MXI1: variants seen among roughly 807,000 people sequenced by gnomAD.
The protein encoded by MXI1 is MAX interactor 1, dimerization protein.
In MXI1, 18 loss-of-function variants were observed where a neutral mutation model predicts 36.9. That is an observed-to-expected ratio of 0.49 (90% CI 0.34 to 0.72). MXI1 has a LOEUF of 0.72. Among genes scored for constraint, MXI1 ranks in the 30% least tolerant of loss-of-function variants. The pLI, the probability that MXI1 is intolerant of heterozygous loss-of-function variation, is 0.01. For synonymous variants in MXI1, 160 were observed against 146.7 expected, an observed-to-expected ratio of 1.09 and a Z score of -0.65; for missense variants, 304 against 379.1, an observed-to-expected ratio of 0.80 and a Z score of 1.64.
chr10:110,212,618 G>A (rs981434581), intron 1 of MXI1, among the ~76,000 whole-genome samples: 4 of 152,142 alleles, frequency 2.6e-5, no homozygotes, highest in African/African-American at 9.7e-5. Context: ...ATGGAGCAGG[G>A]CCCAGCTTGC....
At chr10:110,231,935 C>T (rs576282218) in intron 2 of MXI1, among the ~76,000 whole-genome samples, 4 of 151,912 alleles carry the variant, frequency 2.6e-5, no homozygotes, top group South Asian at 4.2e-4. Flanking sequence ...CTTACTTGGA[C>T]GACTGCAGTA....
intron 1 of MXI1, among the ~76,000 whole-genome samples, chr10:110,221,779 G>C (rs181258971): frequency 6.6e-6 from 1 of 152,170 alleles, no homozygotes; most frequent in Admixed American, 6.5e-5. Context: ...AGATTCAGCC[G>C]TCTCAGATAA....
chr10:110,276,797 G>GA (rs1857048188), intron 3 of MXI1, among the ~76,000 whole-genome samples: 1 of 150,896 alleles, frequency 6.6e-6, no homozygotes, highest in Non-Finnish European at 1.5e-5. Flanking sequence ...TCCTTGATGT[G>GA]AAAGTTTATG....
chr10:110,245,980 G>T (rs1183123806), intron 3 of MXI1, among the ~76,000 whole-genome samples: 2 of 152,110 alleles, frequency 1.3e-5, no homozygotes, highest in Admixed American at 6.6e-5. Context: ...ATTTGGAAGA[G>T]AACATAAGAA....
chr10:110,213,038 G>A (rs569925405), intron 1 of MXI1, among the ~76,000 whole-genome samples: 16 of 152,292 alleles, frequency 1.1e-4, no homozygotes, highest in Non-Finnish European at 1.8e-4. Context: ...GCTATGGCAC[G>A]AGGATCAGGT....
chr10:110,234,902 A>G (rs530504908), intron 2 of MXI1, among the ~76,000 whole-genome samples: 1 of 152,318 alleles, frequency 6.6e-6, no homozygotes, highest in African/African-American at 2.4e-5. Context: ...AATGTATAAG[A>G]TGCTTCTTAA....
chr10:110,268,372 C>G (rs1256062610), intron 3 of MXI1, among the ~76,000 whole-genome samples: 1 of 152,054 alleles, frequency 6.6e-6, no homozygotes, highest in Non-Finnish European at 1.5e-5. Context: ...TTAATCTTTT[C>G]CTGGGCTTTT....
At chr10:110,236,476 G>A (rs1207472438) in intron 2 of MXI1, among the ~76,000 whole-genome samples, 1 of 151,646 alleles carries the variant, frequency 6.6e-6, no homozygotes, top group East Asian at 1.9e-4. Flanking sequence ...ATTTTTTTGA[G>A]ACAGGGTTTC....
At chr10:110,242,308 T>C (rs1855696991) in intron 2 of MXI1, among the ~76,000 whole-genome samples, 1 of 152,020 alleles carries the variant, frequency 6.6e-6, no homozygotes, top group Non-Finnish European at 1.5e-5. Context: ...TAAACATATC[T>C]TAATTTACCC....
intron 1 of MXI1, among the ~76,000 whole-genome samples, chr10:110,213,141 C>A (rs1854549691): frequency 6.6e-6 from 1 of 152,244 alleles, no homozygotes; most frequent in East Asian, 1.9e-4. Context: ...TGAGACCAAT[C>A]CCTGCAAGAA....
chr10:110,235,781 C>A (rs1855443580), intron 2 of MXI1, among the ~76,000 whole-genome samples: 1 of 152,006 alleles, frequency 6.6e-6, no homozygotes, highest in South Asian at 2.1e-4. Flanking sequence ...GAGGCCGAGG[C>A]AGGCGGATCA....
At chr10:110,245,204 G>A (rs539324759) in intron 3 of MXI1, among the ~76,000 whole-genome samples, 1 of 152,176 alleles carries the variant, frequency 6.6e-6, no homozygotes, top group African/African-American at 2.4e-5. Flanking sequence ...ATTACAAATT[G>A]GAGGGCATTG....
chr10:110,221,884 G>T (rs1854818491), intron 1 of MXI1, among the ~76,000 whole-genome samples: 1 of 152,152 alleles, frequency 6.6e-6, no homozygotes, highest in Non-Finnish European at 1.5e-5. Context: ...TTTCCGTGTG[G>T]TTGGGATGTC....
intron 3 of MXI1, among the ~76,000 whole-genome samples, chr10:110,276,316 CATTT>C (rs1283946350): frequency 6.6e-6 from 1 of 152,060 alleles, no homozygotes; most frequent in African/African-American, 2.4e-5. Flanking sequence ...ACAATCTCTC[CATTT>C]ATTCAGATTT....
intron 1 of MXI1, chr10:110,226,105 C>G (rs1043601127): frequency 1.3e-5 from 15 of 1,175,522 alleles, no homozygotes; most frequent in Admixed American, 4.7e-5. Context: ...GCCCGCCCGC[C>G]CGTCGCACAT....
chr10:110,264,036 G>C (rs1856604666), intron 3 of MXI1, among the ~76,000 whole-genome samples: 2 of 152,160 alleles, frequency 1.3e-5, no homozygotes, highest in Admixed American at 1.3e-4. Context: ...AGTGGCCAAT[G>C]GGTTCATCTG....
intron 2 of MXI1, among the ~76,000 whole-genome samples, chr10:110,241,899 G>A (rs950715399): frequency 1.4e-4 from 21 of 151,968 alleles, no homozygotes; most frequent in African/African-American, 5.1e-4. Context: ...TAATACTCCA[G>A]TTTTACAGAT....
chr10:110,211,444 G>A (rs1854513683), intron 1 of MXI1, among the ~76,000 whole-genome samples: 1 of 152,248 alleles, frequency 6.6e-6, no homozygotes, highest in South Asian at 2.1e-4. Context: ...CTTCTGTCCG[G>A]AGATGAGTGT....
rs74735538 is a variant in MXI1, at chr10:110,227,550, G to A, written c.275-639G>A. On this transcript the variant is annotated intron_variant, in intron 1 of 5. Coordinates refer to ENST00000332674, the MANE Select transcript of MXI1 (RefSeq NM_130439.3). ...GCCCCGGAGCGGGAGAGGGTGCTGG[G>A]AGATAAGAGGAAGGAGGAACACGGA... 9.2e-6 allele frequency: 9 copies of A among 981,442 alleles called. No individual in the cohort carries two copies. The African/African-American group carries it at 1.6e-4, about 17-fold the overall frequency. 60.8% of individuals were successfully genotyped at this position (981,442 alleles called of 1,614,324 possible). A position where few individuals can be genotyped will look rare whatever the true frequency, so the allele number is the denominator to read the frequency against.
Sources: gnomAD v4.1 joint callset for allele counts (sites outside exome capture counted in the v4.1 genomes callset) on GRCh38, gnomAD v4.1.1 for gene constraint, MANE v1.5 for transcripts, NCBI Gene and HGNC (gene_info 2026-07-23, HGNC 2026-07-21) for gene names.